Variants in TRDN observed in about 807,000 individuals in gnomAD.
TRDN encodes triadin, also known as triadin in skeletal muscle.
Under a neutral mutation model 149.7 loss-of-function variants are expected in TRDN, and 161 were observed. The ratio of observed to expected loss-of-function variants is 1.08; its 90% CI spans 0.95 to 1.23. TRDN has a LOEUF of 1.23. TRDN is among the 50% of genes most tolerant of loss of function. TRDN has a pLI of 0.00. For synonymous variants in TRDN, 294 were observed against 250.5 expected (o/e 1.17, Z -1.64); for missense variants, 896 against 823.5 (o/e 1.09, Z -1.08).
intron 24 of TRDN, among the ~76,000 whole-genome samples, chr6:123,303,769 A>G (rs1381853796): frequency 6.6e-6 from 1 of 152,214 alleles, no homozygotes. Context: ...ACAATGAATG[A>G]CAGTAACCTA....
intron 4 of TRDN, among the ~76,000 whole-genome samples, chr6:123,542,951 T>C (rs564871036): frequency 2.3e-4 from 25 of 108,678 alleles, no homozygotes; most frequent in African/African-American, 9.4e-4. Flanking sequence ...TATGAATAAT[T>C]AAGGGAATTA....
At chr6:123,434,309 T>A (rs1445749041) in intron 12 of TRDN, among the ~76,000 whole-genome samples, 2 of 152,190 alleles carry the variant, frequency 1.3e-5, no homozygotes, top group Non-Finnish European at 2.9e-5. Flanking sequence ...ACAGACTCAC[T>A]TGCAGCCAGA....
At chr6:123,457,943 T>C (rs1294649316) in intron 10 of TRDN, among the ~76,000 whole-genome samples, 1 of 152,204 alleles carries the variant, frequency 6.6e-6, no homozygotes, top group Non-Finnish European at 1.5e-5. Context: ...AAAGCACTAC[T>C]AAATCCTACT....
intron 12 of TRDN, among the ~76,000 whole-genome samples, chr6:123,412,223 C>A (rs999276741): frequency 1.4e-4 from 22 of 152,236 alleles, no homozygotes; most frequent in South Asian, 6.2e-4. Context: ...AATTTACTTC[C>A]CAAGTCTATA....
chr6:123,501,590 A>T (rs753240229), intron 8 of TRDN, among the ~76,000 whole-genome samples: 1 of 152,186 alleles, frequency 6.6e-6, no homozygotes, highest in South Asian at 2.1e-4. Context: ...AAATAAAATG[A>T]CATATTTATA....
intron 2 of TRDN, among the ~76,000 whole-genome samples, chr6:123,562,803 C>A (rs757068437): frequency 5.9e-5 from 9 of 152,070 alleles, no homozygotes; most frequent in Non-Finnish European, 8.8e-5. Flanking sequence ...TGCTTTTAAA[C>A]CAAAGGAAAA....
At chr6:123,427,408 T>C (rs1297787204) in intron 12 of TRDN, among the ~76,000 whole-genome samples, 1 of 152,106 alleles carries the variant, frequency 6.6e-6, no homozygotes, top group East Asian at 1.9e-4. Flanking sequence ...TTCATTTAGC[T>C]AGATGTTTAA....
chr6:123,222,996 A>G (rs1775208078), intron 39 of TRDN, among the ~76,000 whole-genome samples: 1 of 151,844 alleles, frequency 6.6e-6, no homozygotes, highest in African/African-American at 2.4e-5. Flanking sequence ...TCAAAAAATA[A>G]CATATGTTGA....
At chr6:123,629,019 C>T (rs988813974) in intron 1 of TRDN, among the ~76,000 whole-genome samples, 12 of 152,096 alleles carry the variant, frequency 7.9e-5, no homozygotes, top group Non-Finnish European at 1.3e-4. Flanking sequence ...ACTGTAGTAA[C>T]TTTCAGATTT....
chr6:123,287,671 C>A (rs1352746515), intron 24 of TRDN, among the ~76,000 whole-genome samples: 1 of 152,040 alleles, frequency 6.6e-6, no homozygotes, highest in Non-Finnish European at 1.5e-5. Flanking sequence ...TTGTGTTGAT[C>A]ATGGTATGTC....
chr6:123,350,668 TATC>T (rs1243544941), intron 21 of TRDN: 1 of 780,472 alleles, frequency 1.3e-6, no homozygotes, highest in Non-Finnish European at 1.6e-6. Context: ...ATAGATATAC[TATC>T]ATAAAAATAT....
intron 21 of TRDN, chr6:123,351,221 C>T (rs958678346): frequency 3.1e-6 from 3 of 981,668 alleles, no homozygotes; most frequent in African/African-American, 3.5e-5. Context: ...GAAAAAATGC[C>T]TAAGTATCTG....
At chr6:123,614,457 A>G (rs1784985732) in intron 1 of TRDN, among the ~76,000 whole-genome samples, 1 of 151,510 alleles carries the variant, frequency 6.6e-6, no homozygotes. Flanking sequence ...CTGTTATACT[A>G]TTACACTATT....
intron 4 of TRDN, among the ~76,000 whole-genome samples, chr6:123,538,611 T>C (rs896341040): frequency 6.6e-6 from 1 of 152,126 alleles, no homozygotes; most frequent in Admixed American, 6.5e-5. Flanking sequence ...TAAGAAGATA[T>C]TAAGAACAGT....
chr6:123,336,859 T>C (rs1024985440), intron 22 of TRDN, among the ~76,000 whole-genome samples: 6 of 151,344 alleles, frequency 4.0e-5, no homozygotes, highest in Non-Finnish European at 8.8e-5. Flanking sequence ...AGTACATATA[T>C]ATAACACATA....
intron 13 of TRDN, among the ~76,000 whole-genome samples, chr6:123,393,420 T>G (rs149534961): frequency 6.6e-6 from 1 of 152,128 alleles, no homozygotes; most frequent in Non-Finnish European, 1.5e-5. Context: ...CAGCAGTTCC[T>G]CTGCAAATTT....
chr6:123,561,165 G>A (rs187891076), intron 2 of TRDN, among the ~76,000 whole-genome samples: 4 of 152,170 alleles, frequency 2.6e-5, no homozygotes, highest in African/African-American at 4.8e-5. Flanking sequence ...ATAATTCCTC[G>A]GTTTGGCCTT....
intron 38 of TRDN, among the ~76,000 whole-genome samples, chr6:123,239,898 A>G (rs9482370): frequency 0.7 from 106,640 of 151,824 alleles, 38,866 homozygotes; most frequent in Non-Finnish European, 0.81. Flanking sequence ...CATCAAGAGT[A>G]GAACTGATTA....
At chr6:123,233,555 C>A (rs1045689357) in intron 38 of TRDN, among the ~76,000 whole-genome samples, 2 of 152,006 alleles carry the variant, frequency 1.3e-5, no homozygotes, top group African/African-American at 4.8e-5. Flanking sequence ...ATGAATGAGG[C>A]CACAGTGCTG....
Sources: gnomAD v4.1 joint callset for allele counts (sites outside exome capture counted in the v4.1 genomes callset) on GRCh38, gnomAD v4.1.1 for gene constraint, MANE v1.5 for transcripts, NCBI Gene and HGNC (gene_info 2026-07-23, HGNC 2026-07-21) for gene names.